The following CARD14 variants were observed in gnomAD, a reference collection of about 807,000 sequenced individuals.
CARD14 encodes caspase recruitment domain family member 14.
Under a neutral mutation model 111.5 loss-of-function variants are expected in CARD14, and 107 were observed. That is an observed-to-expected ratio of 0.96 (90% CI 0.82 to 1.13). The LOEUF (loss-of-function observed/expected upper bound fraction) is 1.13, where lower values mean the gene tolerates loss of function less well. CARD14 is among the 50% of genes most tolerant of loss of function. CARD14 has a pLI of 0.00. For missense variants in CARD14, 1,322 were observed against 1,362.3 expected (o/e 0.97, Z 0.47); for synonymous variants, 617 against 579.6 (o/e 1.06, Z -0.93).
Position 80,203,656 on chromosome 17 carries a change from G to A in CARD14, c.2220-166G>A, listed in dbSNP as rs958370059. The stretch of plus-strand genomic sequence containing the variant: ...GAAAGCTCTGGAGACTGGCATGGCC[G>A]CCAGGATGGAGCGCTCCAGCCTGCA... On this transcript the variant is annotated intron_variant, in intron 18 of 23. Transcript: ENST00000648509. The surrounding 1 kb of genome is among the most constrained non-coding windows in gnomAD (Gnocchi z 4.6). The A allele has an allele frequency of 2.2e-5, 12 of 550,296 alleles. No individual in the cohort carries two copies. Among genetic ancestry groups the A allele is most frequent in the South Asian group, 1.0e-4 (4 of 38,780 alleles). The allele number at this position is 550,296 out of a possible 1,614,324, so 34.1% of individuals were successfully genotyped here.
intron 1 of CARD14, among the ~76,000 whole-genome samples, chr17:80,171,032 G>A (rs903663091): frequency 2.6e-5 from 4 of 151,194 alleles, no homozygotes; most frequent in African/African-American, 9.7e-5. Context: ...GTAGAGACAG[G>A]GTTTTGTCAC....
intron 9 of CARD14, among the ~76,000 whole-genome samples, chr17:80,190,556 C>T (rs556475198): frequency 6.7e-6 from 1 of 149,996 alleles, no homozygotes; most frequent in South Asian, 2.1e-4. Context: ...GAGGTTGCAG[C>T]GAGCCGAGAT....
chr17:80,181,699 A>G (rs994569571), intron 5 of CARD14, 50 bp downstream of exon 5: 1 of 1,476,618 alleles, frequency 6.8e-7, no homozygotes, highest in Non-Finnish European at 9.1e-7. Flanking sequence ...CGTGGCCCAC[A>G]TGGCTCCACT....
At chr17:80,176,572 G>A (rs2040031617) in intron 2 of CARD14, among the ~76,000 whole-genome samples, 1 of 151,892 alleles carries the variant, frequency 6.6e-6, no homozygotes, top group Non-Finnish European at 1.5e-5. Context: ...TCCATCATCT[G>A]TAAAGGAAAC....
At position 80,201,228 on chromosome 17, in the gene CARD14, G is replaced by C. The variant is rs188550643; in HGVS notation, c.1852-516G>C. On this transcript the variant is annotated intron_variant, in intron 16 of 23. Coordinates refer to ENST00000648509, the MANE Select transcript of CARD14 (RefSeq NM_001366385.1). This position sits in a 1 kb window ranked among gnomAD's most constrained non-coding sequence, Gnocchi z 5.0. Reference sequence around the variant, plus strand: ...ACTCTCCTAAGCTTAGAACAATATTGAGAAGAAATGAAGTGGATGGTGGAA... The same window carrying C: ...ACTCTCCTAAGCTTAGAACAATATTCAGAAGAAATGAAGTGGATGGTGGAA... 3.0e-3 allele frequency: 480 copies of C among 160,042 alleles called. 3 individuals carry two copies. The highest frequency in any genetic ancestry group is 5.4e-3 in the Non-Finnish European group (390 of 72,256). The allele number at this position is 160,042 out of a possible 1,614,324, so 9.9% of individuals were successfully genotyped here. A position where few individuals can be genotyped will look rare whatever the true frequency, so the allele number is the denominator to read the frequency against.
Position 80,203,252 on chromosome 17 carries a change from AGAGT to A in CARD14, c.2220-566_2220-563del, listed in dbSNP as rs1311730366. On this transcript the variant is annotated intron_variant, in intron 18 of 23. Transcript: ENST00000648509. This position sits in a 1 kb window ranked among gnomAD's most constrained non-coding sequence, Gnocchi z 4.6. Reference sequence around the variant, plus strand: ...GCCATTGCACTCCAGCCTGGGCGACAGAGTGAGACTCTGTCTCAAAAAAAAAAAA... The same window carrying A: ...GCCATTGCACTCCAGCCTGGGCGACAGAGACTCTGTCTCAAAAAAAAAAAA... 1.3e-5 allele frequency: 2 copies of A among 150,968 alleles called. No homozygotes were observed. The highest frequency in any genetic ancestry group is 1.5e-5 in the Non-Finnish European group (1 of 67,990). 9.4% of individuals were successfully genotyped at this position (150,968 alleles called of 1,614,324 possible).
intron 22 of CARD14, 93 bp downstream of exon 22, chr17:80,205,745 C>T (rs1203916840): frequency 2.3e-6 from 3 of 1,324,188 alleles, no homozygotes; most frequent in Non-Finnish European, 3.0e-6. Context: ...CAGGGACCGA[C>T]CTGAGACCTG....
chr17:80,183,761 T>TGCCCACATGTTCACCC (rs2040246318), intron 6 of CARD14, 152 bp from the exon 7 acceptor site: 1 of 541,824 alleles, frequency 1.8e-6, no homozygotes, highest in African/African-American at 2.0e-5. Flanking sequence ...CATGCTCAGC[T>TGCCCACATGTTCACCC]GCCCACATGC....
Position 80,204,334 on chromosome 17 carries a change from G to C in CARD14, c.2391G>C (p.Arg797Ser). The change falls in exon 20 of 24, where the codon AGG becomes AGC. Residue 797 changes from arginine to serine, a missense_variant. Transcript: ENST00000648509. Reference protein sequence around the residue: ...SFDRGQLDPSRMEGSSTCFWA... With the variant: ...SFDRGQLDPSSMEGSSTCFWA... ...ACAGGGGCCAGTTGGACCCCAGCAG[G>C]ATGGAGGGTGAGGCCTGGTGAGCTG... 6.4e-7 allele frequency: 1 copy of C among 1,571,226 alleles called. No homozygotes were observed. The highest frequency in any genetic ancestry group is 8.7e-7 in the Non-Finnish European group (1 of 1,153,158).
intron 21 of CARD14, 149 bp downstream of exon 21, chr17:80,205,354 G>A (rs2041240169): frequency 1.7e-6 from 2 of 1,157,216 alleles, no homozygotes. Context: ...AGATAGTTCA[G>A]GATGGAGGTG....
In CARD14 at chr17:80,182,978, G is replaced by T. The variant is rs868437671; in HGVS notation, c.349+188G>T. On this transcript the variant is annotated intron_variant, in intron 6 of 23. Coordinates refer to ENST00000648509, the MANE Select transcript of CARD14 (RefSeq NM_001366385.1). This position sits in a 1 kb window ranked among gnomAD's most constrained non-coding sequence, Gnocchi z 4.7. ...ACTGTATTGGGGTTGGATAGGATAA[G>T]GAGCCCCTGGGCCTTGACTCTGAAG... Among the ~76,000 whole-genome samples, 5 of 152,290 alleles carry T rather than the reference G, an allele frequency of 3.3e-5. No homozygotes were observed. The highest frequency in any genetic ancestry group is 3.4e-3 in the Middle Eastern group (1 of 294).
In CARD14 at chr17:80,208,504, G is replaced by A; in HGVS notation, c.*159G>A. 1 of 618,904 alleles carries A rather than the reference G, an allele frequency of 1.6e-6. No individual in the cohort carries two copies. The highest frequency in any genetic ancestry group is 2.8e-5 in the East Asian group (1 of 35,228). The allele number at this position is 618,904 out of a possible 1,614,324, so 38.3% of individuals were successfully genotyped here. ...GTCTAACCTTGAACCCTCACCACGT[G>A]CAGGTCACACACAGTGAAGCCACTT... On this transcript the variant is annotated 3_prime_UTR_variant, in exon 24 of 24. Transcript: ENST00000648509.
In CARD14 at chr17:80,202,269, A is replaced by T. The variant is rs2041023954; in HGVS notation, c.2068A>T (p.Arg690Trp). ...CCGGGTCAACCTGGCCATGGAGGGC[A>T]GGGCCAAAGGGGAGCTGCAGGTGCA... Reference protein sequence around the residue: ...YIRVNLAMEGRAKGELQVHCN... With the variant: ...YIRVNLAMEGWAKGELQVHCN... The change falls in exon 18 of 24, where the codon AGG becomes TGG. Residue 690 changes from arginine to tryptophan, a missense_variant. Coordinates refer to ENST00000648509, the MANE Select transcript of CARD14 (RefSeq NM_001366385.1). The T allele has an allele frequency of 2.5e-6, 4 of 1,613,992 alleles. No homozygotes were observed. The East Asian group carries it at 8.9e-5, about 36-fold the overall frequency.
chr17:80,198,529 C>G lies in CARD14; in HGVS notation c.1789C>G (p.Arg597Gly), dbSNP rs73429414. The G allele has an allele frequency of 3.7e-6, 6 of 1,613,262 alleles. No homozygotes were observed. The highest frequency in any genetic ancestry group is 5.1e-6 in the Non-Finnish European group (6 of 1,179,924). Residue 597 changes from arginine (R) to glycine (G), a missense_variant, in exon 16 of 24, where the codon CGG (arginine) becomes GGG (glycine). Transcript: ENST00000648509. The surrounding 1 kb of genome is among the most constrained non-coding windows in gnomAD (Gnocchi z 7.5). ...GAACCTCACGGGCATCTTCATCCAC[C>G]GGGTCACCCCGGGCTCGGCGGCGGA... ...GGNLTGIFIH[R>G]VTPGSAADQM...
chr17:80,181,156 G>A (rs1008244428), intron 4 of CARD14, among the ~76,000 whole-genome samples: 1 of 151,902 alleles, frequency 6.6e-6, no homozygotes, highest in Non-Finnish European at 1.5e-5. Flanking sequence ...ACAACAAAGT[G>A]TGATTTAGTG....
chr17:80,181,647 C>T lies in CARD14; in HGVS notation c.209C>T (p.Ala70Val), dbSNP rs2040180477. The T allele has an allele frequency of 6.5e-7, 1 of 1,544,742 alleles. No homozygotes were observed. ...SPRLTNSAMR[A>V]GHLLDLLKTR... is the part of the protein sequence containing the mutation. Reference sequence around the variant, plus strand: ...CGGCTCACCAACAGCGCCATGCGGGCCGGTGAGCGCAGCTCCCTCTTCCCC... The same window carrying T: ...CGGCTCACCAACAGCGCCATGCGGGTCGGTGAGCGCAGCTCCCTCTTCCCC... The change falls in exon 5 of 24, where the codon GCC becomes GTC. Residue 70 changes from alanine to valine, a missense_variant and splice_region_variant. Ala to Val is a moderately conservative substitution (Grantham distance 64). Coordinates refer to ENST00000648509, the MANE Select transcript of CARD14 (RefSeq NM_001366385.1).
Position 80,195,054 on chromosome 17 carries a change from T to C in CARD14, c.1357-137T>C. The C allele has an allele frequency of 1.8e-6, 2 of 1,109,370 alleles. No individual in the cohort carries two copies. Among genetic ancestry groups the C allele is most frequent in the South Asian group, 1.6e-5 (1 of 62,614 alleles). The allele number at this position is 1,109,370 out of a possible 1,614,324, so 68.7% of individuals were successfully genotyped here. A position where few individuals can be genotyped will look rare whatever the true frequency, so the allele number is the denominator to read the frequency against. On this transcript the variant is annotated intron_variant, in intron 12 of 23. Coordinates refer to ENST00000648509, the MANE Select transcript of CARD14 (RefSeq NM_001366385.1). This position sits in a 1 kb window ranked among gnomAD's most constrained non-coding sequence, Gnocchi z 4.7. ...CAGGTGCTCAGCGCATGTGACCCCA[T>C]GTGTGTCCTTCTTTCCCCTCCTGCC...
intron 22 of CARD14, among the ~76,000 whole-genome samples, chr17:80,206,490 G>A (rs2041317348): frequency 6.6e-6 from 1 of 152,226 alleles, no homozygotes; most frequent in Non-Finnish European, 1.5e-5. Context: ...AGTGGGCCGG[G>A]TGCGGTGGCT....
intron 19 of CARD14, 74 bp from the exon 20 acceptor site, chr17:80,204,153 C>G (rs2041144409): frequency 7.0e-7 from 1 of 1,436,436 alleles, no homozygotes; most frequent in Non-Finnish European, 9.4e-7. Flanking sequence ...TAGTGCCAAT[C>G]ATCTCCCCTG....
Sources: gnomAD v4.1 joint callset for allele counts (sites outside exome capture counted in the v4.1 genomes callset) on GRCh38, gnomAD v4.1.1 for gene constraint, Gnocchi (gnomAD v3.1) non-coding constraint, MANE v1.5 for transcripts, NCBI Gene and HGNC (gene_info 2026-07-23, HGNC 2026-07-21) for gene names.